Variants in HIVEP3 observed in about 807,000 individuals in gnomAD.
HIVEP3 encodes transcription factor HIVEP3.
Under a neutral mutation model 152.8 loss-of-function variants are expected in HIVEP3, and 49 were observed. That is an observed-to-expected ratio of 0.32 (90% CI 0.26 to 0.41). The LOEUF (loss-of-function observed/expected upper bound fraction) is 0.41. Among genes scored for constraint, HIVEP3 ranks in the 10% least tolerant of loss-of-function variants. HIVEP3 has a pLI of 1.00. For missense variants in HIVEP3, 2,790 were observed against 3,103.3 expected (o/e 0.90, Z 2.40); for synonymous variants, 1,269 against 1,289.0 (o/e 0.98, Z 0.33).
At chr1:41,638,990 G>A (rs1316998539) in intron 2 of HIVEP3, among the ~76,000 whole-genome samples, 4 of 152,220 alleles carry the variant, frequency 2.6e-5, no homozygotes, top group Non-Finnish European at 4.4e-5. Flanking sequence ...TGGAGAAGAA[G>A]GCTGGCCCTG....
chr1:41,531,172 C>T (rs1343458036), intron 5 of HIVEP3, among the ~76,000 whole-genome samples: 19 of 101,836 alleles, frequency 1.9e-4, no homozygotes, highest in Admixed American at 1.1e-3. Context: ...AGGACAGGAG[C>T]GAAGGGAGGA....
chr1:41,750,299 T>TG (rs1647139580), intron 1 of HIVEP3, among the ~76,000 whole-genome samples: 1 of 152,218 alleles, frequency 6.6e-6, no homozygotes, highest in Non-Finnish European at 1.5e-5. Flanking sequence ...ACTTCTAACA[T>TG]GAGTCCACAA....
At chr1:41,964,853 G>A (rs537266996) in intron 1 of HIVEP3, among the ~76,000 whole-genome samples, 3 of 152,386 alleles carry the variant, frequency 2.0e-5, no homozygotes, top group Admixed American at 1.3e-4. Flanking sequence ...AAGAGTCTGG[G>A]CAGTCTGGGC....
intron 1 of HIVEP3, among the ~76,000 whole-genome samples, chr1:41,861,546 G>C (rs1021717764): frequency 2.6e-5 from 4 of 152,212 alleles, no homozygotes; most frequent in African/African-American, 4.8e-5. Flanking sequence ...ATTTTAGGCA[G>C]GTGGCTAAGA....
At chr1:42,002,081 T>C (rs887502120) in intron 1 of HIVEP3, among the ~76,000 whole-genome samples, 2 of 152,072 alleles carry the variant, frequency 1.3e-5, no homozygotes, top group Admixed American at 1.3e-4. Flanking sequence ...TTAGAAACGG[T>C]AGGTCTTTAT....
intron 1 of HIVEP3, among the ~76,000 whole-genome samples, chr1:41,783,608 C>T (rs1649179404): frequency 6.6e-6 from 1 of 152,174 alleles, no homozygotes; most frequent in Non-Finnish European, 1.5e-5. Flanking sequence ...CCTTCACACA[C>T]ACACAGAGAC....
intron 2 of HIVEP3, among the ~76,000 whole-genome samples, chr1:41,681,634 T>C (rs1466360806): frequency 6.6e-6 from 1 of 152,190 alleles, no homozygotes; most frequent in African/African-American, 2.4e-5. Flanking sequence ...GCACACATCC[T>C]CTGGGCCAGA....
chr1:41,931,484 C>G (rs544559011), intron 1 of HIVEP3, among the ~76,000 whole-genome samples: 1 of 152,168 alleles, frequency 6.6e-6, no homozygotes, highest in East Asian at 1.9e-4. Flanking sequence ...CACTACACTT[C>G]CTTGATTATT....
At chr1:41,996,132 A>G (rs1332063824) in intron 1 of HIVEP3, among the ~76,000 whole-genome samples, 2 of 151,996 alleles carry the variant, frequency 1.3e-5, no homozygotes, top group East Asian at 3.9e-4. Flanking sequence ...AGTGGCTCAC[A>G]CCTGTAATCC....
At chr1:42,006,817 GT>G (rs1210673890) in intron 1 of HIVEP3, among the ~76,000 whole-genome samples, 1 of 152,200 alleles carries the variant, frequency 6.6e-6, no homozygotes, top group Non-Finnish European at 1.5e-5. Flanking sequence ...CCCTGAATGG[GT>G]TTCTCAGAGA....
At chr1:41,663,013 C>T (rs1301580513) in intron 2 of HIVEP3, among the ~76,000 whole-genome samples, 1 of 152,184 alleles carries the variant, frequency 6.6e-6, no homozygotes. Flanking sequence ...CGGGGGACAC[C>T]CCGGGGCTTC....
At chr1:41,966,640 AT>A (rs373102318) in intron 1 of HIVEP3, among the ~76,000 whole-genome samples, 7,961 of 142,260 alleles carry the variant, frequency 0.056, 213 homozygotes, top group Non-Finnish European at 0.064. Context: ...TGCCCAGCTA[AT>A]TTTTTTTTTT....
chr1:41,752,608 C>G (rs919393949), intron 1 of HIVEP3, among the ~76,000 whole-genome samples: 1 of 152,216 alleles, frequency 6.6e-6, no homozygotes, highest in African/African-American at 2.4e-5. Context: ...CCCGGAGCAT[C>G]AGCGTCATCT....
At chr1:41,651,888 A>T (rs1294041863) in intron 2 of HIVEP3, among the ~76,000 whole-genome samples, 1 of 152,208 alleles carries the variant, frequency 6.6e-6, no homozygotes, top group Admixed American at 6.5e-5. Flanking sequence ...CCATTTTTAT[A>T]TCTGTGTACT....
In HIVEP3 at chr1:41,513,326, T is replaced by C; in HGVS notation, c.5895A>G (p.Pro1965=). The C allele has an allele frequency of 2.5e-6, 4 of 1,612,986 alleles. No homozygotes were observed. The highest frequency in any genetic ancestry group is 3.4e-6 in the Non-Finnish European group (4 of 1,179,990). ...CTTTGCTTGGGGACCACGGTCTTCT[T>C]GGGGACACAGGCTTGTAGCTCAAGG... is the stretch of plus-strand genomic sequence containing the variant. ...GSALSYKPVS[P]RRPWSPSKEA... is the part of the protein sequence containing the mutation. The change falls in exon 8 of 9, where the codon CCA becomes CCG. Residue 1965 remains proline, a synonymous_variant. Coordinates refer to ENST00000372583, the MANE Select transcript of HIVEP3 (RefSeq NM_024503.5).
chr1:41,700,660 G>A (rs559065064), intron 2 of HIVEP3, among the ~76,000 whole-genome samples: 4 of 152,224 alleles, frequency 2.6e-5, no homozygotes, highest in Non-Finnish European at 5.9e-5. Flanking sequence ...GGCAGGCCTG[G>A]GGTCAGAAGC....
chr1:41,675,551 G>C (rs771237149), intron 2 of HIVEP3, among the ~76,000 whole-genome samples: 1 of 152,156 alleles, frequency 6.6e-6, no homozygotes, highest in Non-Finnish European at 1.5e-5. Context: ...TCAGATGAGA[G>C]TGACATGTAT....
At chr1:41,699,179 G>A (rs913739124) in intron 2 of HIVEP3, among the ~76,000 whole-genome samples, 13 of 152,348 alleles carry the variant, frequency 8.5e-5, no homozygotes, top group African/African-American at 2.9e-4. Context: ...GGTGCATACC[G>A]TGCTGGCCTC....
intron 1 of HIVEP3, among the ~76,000 whole-genome samples, chr1:41,884,596 T>C (rs1051286074): frequency 2.4e-4 from 36 of 152,214 alleles, no homozygotes; most frequent in Admixed American, 4.6e-4. Flanking sequence ...AATCCCAACA[T>C]ACTCAAAAAT....
Sources: gnomAD v4.1 joint callset for allele counts (sites outside exome capture counted in the v4.1 genomes callset) on GRCh38, gnomAD v4.1.1 for gene constraint, MANE v1.5 for transcripts, NCBI Gene and HGNC (gene_info 2026-07-23, HGNC 2026-07-21) for gene names.